CTNS: variants seen among roughly 807,000 people sequenced by gnomAD.
The protein encoded by CTNS is cystinosin, lysosomal cystine transporter.
CTNS carries 27 observed loss-of-function variants against 43.7 expected under a neutral mutation model. The observed-to-expected ratio is 0.62, with a 90% CI of 0.46 to 0.85. CTNS has a LOEUF of 0.85. CTNS is among the 40% of genes least tolerant of loss of function. The pLI is 0.00. For missense variants in CTNS, 457 were observed against 475.4 expected (o/e 0.96, Z 0.36); for synonymous variants, 187 against 190.6 (o/e 0.98, Z 0.16).
chr17:3,655,126 G>T, intron 6 of CTNS, 25 bp downstream of exon 6: 2 of 1,613,432 alleles, frequency 1.2e-6, no homozygotes, highest in Non-Finnish European at 1.7e-6. Flanking sequence ...GGGTGTGCGG[G>T]CCTCACGTGA....
chr17:3,658,082 C>T lies in CTNS; in HGVS notation c.759C>T (p.Ile253=), dbSNP rs778758718. ...GGCTCTTCGCATTTGTCACCATGAT[C>T]GTGGCTGCAGTGGGAGTGACCACGT... is the stretch of plus-strand genomic sequence containing the variant. ...LAWLFAFVTM[I]VAAVGVTTWL... is the part of the protein sequence containing the mutation. Residue 253 remains isoleucine (I), a synonymous_variant, in exon 10 of 12, where the codon ATC becomes ATT. Transcript: ENST00000046640. 1.7e-5 allele frequency: 27 copies of T among 1,612,242 alleles called. No homozygotes were observed. Among genetic ancestry groups the T allele is most frequent in the South Asian group, 3.3e-5 (3 of 90,996 alleles).
chr17:3,640,382 G>A (rs2075655812), intron 3 of CTNS, 115 bp downstream of exon 3: 5 of 1,200,590 alleles, frequency 4.2e-6, no homozygotes, highest in Non-Finnish European at 6.2e-6. Context: ...ACATGTCTCT[G>A]TCTGCCTCTT....
Position 3,649,470 on chromosome 17 carries a change from A to G in CTNS, c.225+539A>G, listed in dbSNP as rs1597625657. 2.0e-5 allele frequency among the ~76,000 whole-genome samples: 3 copies of G among 147,496 alleles called. No individual in the cohort carries two copies. In the Admixed American group the frequency reaches 2.0e-4, roughly 10 times the overall value. On this transcript the variant is annotated intron_variant, in intron 5 of 11. Transcript: ENST00000046640. ...CCTTCTCAAAAAAAAAAAAAAAAAA[A>G]GTTCTTACAATTTTCAAGGCCTGGC...
intron 2 of CTNS, among the ~76,000 whole-genome samples, chr17:3,638,833 A>C (rs1209645499): frequency 6.6e-6 from 1 of 152,184 alleles, no homozygotes; most frequent in African/African-American, 2.4e-5. Context: ...GCAGGAGGGC[A>C]ATTCCTCCAA....
chr17:3,640,298 A>G (rs1366041906), intron 3 of CTNS, 31 bp downstream of exon 3: 2 of 1,599,578 alleles, frequency 1.3e-6, no homozygotes, highest in African/African-American at 1.3e-5. Context: ...TCAACTTTGT[A>G]AAGAGGGAAA....
chr17:3,656,580 C>T lies in CTNS; in HGVS notation c.555C>T (p.Tyr185=). The T allele has an allele frequency of 1.2e-6, 2 of 1,611,626 alleles. No homozygotes were observed. Among genetic ancestry groups the T allele is most frequent in the Non-Finnish European group, 8.5e-7 (1 of 1,179,398 alleles). ...ACATCGGCCTCCTCTGGGTGCCCTA[C>T]ATCAAGGTACGGCCTTGCCTGCCCT... ...VFNIGLLWVP[Y]IKEQFLLKYP... is the part of the protein sequence containing the mutation. Residue 185 remains tyrosine (Y), a synonymous_variant, in exon 8 of 12, where the codon TAC becomes TAT. Transcript: ENST00000046640.
At chr17:3,649,734 T>C (rs1439016037) in intron 5 of CTNS, among the ~76,000 whole-genome samples, 1 of 149,326 alleles carries the variant, frequency 6.7e-6, no homozygotes, top group African/African-American at 2.4e-5. Flanking sequence ...GCTTTATGCA[T>C]GTATCTATTT....
In CTNS at chr17:3,660,469, G is replaced by A. The variant is rs2076259110; in HGVS notation, c.*100G>A. ...GAAGCGGTTGGGCCCTGGCACACAG[G>A]GCTGGCTCAGTGTGCGGACAGAGGA... On this transcript the variant is annotated 3_prime_UTR_variant, in exon 12 of 12. Coordinates refer to ENST00000046640, the MANE Select transcript of CTNS (RefSeq NM_004937.3). The A allele has an allele frequency of 6.2e-7, 1 of 1,612,878 alleles. No homozygotes were observed. The highest frequency in any genetic ancestry group is 1.3e-5 in the African/African-American group (1 of 74,938).
chr17:3,655,350 A>G lies in CTNS; in HGVS notation c.459A>G (p.Lys153=), dbSNP rs747654045. 1 of 1,614,054 alleles carries G rather than the reference A, an allele frequency of 6.2e-7. No individual in the cohort carries two copies. The highest frequency in any genetic ancestry group is 8.5e-7 in the Non-Finnish European group (1 of 1,180,014). ...YPQVIMNWRR[K]SVIGLSFDFV... ...AGGTGATCATGAATTGGAGGCGGAA[A>G]AGGTAACCCCCTGGGCCGTATGTGC... The change falls in exon 7 of 12, where the codon AAA becomes AAG. Residue 153 remains lysine, a splice_region_variant and synonymous_variant. Transcript: ENST00000046640.
In CTNS at chr17:3,656,952, C is replaced by T. The variant is rs527864684; in HGVS notation, c.681+157C>T. ...CATAGAAGACACCCATGAGTCCAGG[C>T]CCTCAGAGCCCCCCAAGTCTGGGGT... On this transcript the variant is annotated intron_variant, in intron 9 of 11. Transcript: ENST00000046640. 1.6e-4 allele frequency: 191 copies of T among 1,165,744 alleles called. 1 individual carries two copies. The highest frequency in any genetic ancestry group is 4.3e-5 in the Non-Finnish European group (35 of 821,484). 72.2% of individuals were successfully genotyped at this position (1,165,744 alleles called of 1,614,324 possible). A position where few individuals can be genotyped will look rare whatever the true frequency, so the allele number is the denominator to read the frequency against.
chr17:3,647,881 G>A (rs1330479759), intron 4 of CTNS, among the ~76,000 whole-genome samples: 1 of 152,232 alleles, frequency 6.6e-6, no homozygotes, highest in African/African-American at 2.4e-5. Context: ...TCAAGGGGCA[G>A]GGAGCTGAGC....
Position 3,657,989 on chromosome 17 carries a change from C to T in CTNS, c.682-16C>T, listed in dbSNP as rs770822298. 3.7e-6 allele frequency: 6 copies of T among 1,606,128 alleles called. No homozygotes were observed. Among genetic ancestry groups the T allele is most frequent in the Non-Finnish European group, 5.1e-6 (6 of 1,179,836 alleles). The stretch of plus-strand genomic sequence containing the variant: ...CTCTGTGTGGGTCCACATCTCTGCC[C>T]TCCTCTCGCCCCCAGCGCGGTGGCC... On this transcript the variant is annotated splice_polypyrimidine_tract_variant and intron_variant, in intron 9 of 11. Coordinates refer to ENST00000046640, the MANE Select transcript of CTNS (RefSeq NM_004937.3).
chr17:3,641,385 T>TATATATA (rs57286057), intron 3 of CTNS, among the ~76,000 whole-genome samples: 6 of 42,064 alleles, frequency 1.4e-4, no homozygotes, highest in Admixed American at 9.7e-4. Flanking sequence ...TATATATATA[T>TATATATA]TTTTTTTTTT....
intron 4 of CTNS, 127 bp from the exon 5 acceptor site, chr17:3,648,720 G>C: frequency 1.2e-6 from 1 of 805,514 alleles, no homozygotes; most frequent in Non-Finnish European, 2.2e-6. Context: ...TACCCATCAG[G>C]GTGGAGCACC....
In CTNS at chr17:3,656,815, C is replaced by G; in HGVS notation, c.681+20C>G. ...TATGAGGTGAGACCAGCCCTGGCCC[C>G]CCACAGGCCACCCCAGCCAACACCC... On this transcript the variant is annotated intron_variant, in intron 9 of 11. Coordinates refer to ENST00000046640, the MANE Select transcript of CTNS (RefSeq NM_004937.3). 1 of 1,612,710 alleles carries G rather than the reference C, an allele frequency of 6.2e-7. No homozygotes were observed. Among genetic ancestry groups the G allele is most frequent in the South Asian group, 1.1e-5 (1 of 91,032 alleles).
intron 3 of CTNS, among the ~76,000 whole-genome samples, chr17:3,644,283 T>C (rs566276498): frequency 5.9e-5 from 9 of 152,242 alleles, no homozygotes; most frequent in Middle Eastern, 3.4e-3. Context: ...TCAGAGAGGG[T>C]AAGTACCTTA....
Position 3,660,945 on chromosome 17 carries a change from C to G in CTNS, c.*576C>G. 1 of 698,996 alleles carries G rather than the reference C, an allele frequency of 1.4e-6. No individual in the cohort carries two copies. 43.3% of individuals were successfully genotyped at this position (698,996 alleles called of 1,614,324 possible). A position where few individuals can be genotyped will look rare whatever the true frequency, so the allele number is the denominator to read the frequency against. The stretch of plus-strand genomic sequence containing the variant: ...TCCGTGACTGCAGTAACAGCCAGCC[C>G]TACCCAGAGTATTTCTGAGCCATGA... On this transcript the variant is annotated 3_prime_UTR_variant, in exon 12 of 12. Transcript: ENST00000046640.
intron 2 of CTNS, among the ~76,000 whole-genome samples, chr17:3,637,709 C>T (rs1291712139): frequency 1.3e-5 from 2 of 152,132 alleles, no homozygotes; most frequent in African/African-American, 2.4e-5. Context: ...TCAGGTGATG[C>T]GCTCACCTCG....
In CTNS at chr17:3,659,597, C is replaced by T. The variant is rs979791655; in HGVS notation, c.853-261C>T. On this transcript the variant is annotated intron_variant, in intron 10 of 11. Transcript: ENST00000046640. ...GAGACGGGGAAGGCCGCATCGGCCC[C>T]GCCTCTGCTGGAGCTGTGAGGTGTG... Among the ~76,000 whole-genome samples the T allele has an allele frequency of 9.8e-5, 15 of 152,340 alleles. 3 individuals carry two copies. Among genetic ancestry groups the T allele is most frequent in the Admixed American group, 2.6e-4 (4 of 15,306 alleles).
Sources: gnomAD v4.1 joint callset for allele counts (sites outside exome capture counted in the v4.1 genomes callset) on GRCh38, gnomAD v4.1.1 for gene constraint, MANE v1.5 for transcripts, NCBI Gene and HGNC (gene_info 2026-07-23, HGNC 2026-07-21) for gene names.